ERMAP: variants seen among roughly 807,000 people sequenced by gnomAD.
ERMAP encodes the protein erythroid membrane-associated protein.
A neutral mutation model predicts 49.5 loss-of-function variants in ERMAP; 34 were observed. That is an observed-to-expected ratio of 0.69 (90% CI 0.52 to 0.91). ERMAP has a LOEUF of 0.91. Ranked by LOEUF, ERMAP falls within the 40% of genes least tolerant of loss-of-function variation. ERMAP has a pLI of 0.00. For synonymous variants in ERMAP, 214 were observed against 232.2 expected (o/e 0.92, Z 0.71); for missense variants, 541 against 582.6 (o/e 0.93, Z 0.74).
At chr1:42,839,705 C>A (rs1033625322) in intron 8 of ERMAP, 5 of 444,010 alleles carry the variant, frequency 1.1e-5, no homozygotes, top group African/African-American at 9.7e-5. Context: ...GTCCAATACT[C>A]AGTGATAGTT....
intron 6 of ERMAP, 107 bp downstream of exon 6, chr1:42,835,871 G>T: frequency 6.7e-7 from 1 of 1,484,136 alleles, no homozygotes; most frequent in Non-Finnish European, 8.9e-7. Flanking sequence ...TCCATTATCT[G>T]CTATCCTTGG....
chr1:42,840,894 C>G (rs1214562605), intron 11 of ERMAP, among the ~76,000 whole-genome samples: 1 of 152,072 alleles, frequency 6.6e-6, no homozygotes, highest in Non-Finnish European at 1.5e-5. Context: ...CTCTGCAGAC[C>G]AATTTGCTTA....
chr1:42,836,587 G>A (rs1357946292), intron 6 of ERMAP, among the ~76,000 whole-genome samples: 4 of 152,186 alleles, frequency 2.6e-5, no homozygotes, highest in African/African-American at 9.7e-5. Context: ...CGGGCATGGT[G>A]GCTCACGCCT....
chr1:42,837,275 G>A (rs929887886), intron 7 of ERMAP, 85 bp downstream of exon 7: 8 of 1,425,516 alleles, frequency 5.6e-6, no homozygotes, highest in Middle Eastern at 2.3e-4. Context: ...ATTATTATAA[G>A]TCTATTTTTA....
intron 1 of ERMAP, chr1:42,824,541 C>G (rs2124289194): frequency 6.6e-6 from 1 of 152,272 alleles, no homozygotes; most frequent in Admixed American, 6.5e-5. Context: ...AATTTGTACA[C>G]CCCCAGAACA....
intron 4 of ERMAP, 126 bp downstream of exon 4, chr1:42,831,241 G>A: frequency 8.3e-7 from 1 of 1,206,580 alleles, no homozygotes; most frequent in Non-Finnish European, 1.1e-6. Context: ...TTGCCAGGAT[G>A]GCTCAGCCTT....
intron 1 of ERMAP, chr1:42,824,374 A>G (rs558942660): frequency 6.6e-6 from 1 of 152,132 alleles, no homozygotes; most frequent in East Asian, 1.9e-4. Context: ...TGTTCAGGAC[A>G]GTATTATTTA....
rs571658816 is a variant in ERMAP at position 42,843,845 on chromosome 1, C to T, written c.*613C>T. 6 of 389,664 alleles carry T rather than the reference C, an allele frequency of 1.5e-5. No homozygotes were observed. Among genetic ancestry groups the T allele is most frequent in the African/African-American group, 1.0e-4 (5 of 48,566 alleles). 24.1% of individuals were successfully genotyped at this position (389,664 alleles called of 1,614,324 possible). On this transcript the variant is annotated 3_prime_UTR_variant, in exon 12 of 12. Coordinates refer to ENST00000372517, the MANE Select transcript of ERMAP (RefSeq NM_001017922.2). ...TTTGGTGATATCCAGAGCTAATGTA[C>T]ATGCTTTCAAAAGCTAATCTGCCTG... is the stretch of plus-strand genomic sequence containing the variant.
intron 7 of ERMAP, among the ~76,000 whole-genome samples, chr1:42,838,567 T>C (rs1196961915): frequency 6.6e-6 from 1 of 152,146 alleles, no homozygotes; most frequent in African/African-American, 2.4e-5. Flanking sequence ...CCATAAACGG[T>C]GGGCTATAAA....
chr1:42,834,893 G>C, intron 4 of ERMAP, 145 bp from the exon 5 acceptor site: 1 of 659,214 alleles, frequency 1.5e-6, no homozygotes, highest in South Asian at 1.8e-5. Context: ...TGAGTTATCA[G>C]AGAAGCAAAG....
rs752451851 is a variant in ERMAP, at chr1:42,830,831, G to T, written c.149G>T (p.Cys50Phe). 1.3e-6 allele frequency: 2 copies of T among 1,597,392 alleles called. No individual in the cohort carries two copies. The highest frequency in any genetic ancestry group is 1.7e-6 in the Non-Finnish European group (2 of 1,172,204). The change falls in exon 4 of 12, where the codon TGC becomes TTC. Residue 50 changes from cysteine to phenylalanine, a missense_variant. By Grantham distance (205) the Cys-to-Phe change is radical. Transcript: ENST00000372517. The stretch of plus-strand genomic sequence containing the variant: ...CTAGGGGGCACAGCCGAGCTGCTCT[G>T]CCCTCTCTCCCTCTGGCCCGGGACG... ...ALLGGTAELLCPLSLWPGTVP... is the reference protein window; with the variant it reads ...ALLGGTAELLFPLSLWPGTVP...
Position 42,844,469 on chromosome 1 carries a change from T to C in ERMAP, c.*1237T>C, listed in dbSNP as rs1450168690. Reference sequence around the variant, plus strand: ...TCCAGAGAAACAGAATCAATATATATTGGGGCAGGGGGGCGGTGGTTATTA... The same window carrying C: ...TCCAGAGAAACAGAATCAATATATACTGGGGCAGGGGGGCGGTGGTTATTA... On this transcript the variant is annotated 3_prime_UTR_variant, in exon 12 of 12. Transcript: ENST00000372517. The surrounding 1 kb of genome is among the most constrained non-coding windows in gnomAD (Gnocchi z 4.0). 3 of 188,312 alleles carry C rather than the reference T, an allele frequency of 1.6e-5. No individual in the cohort carries two copies. Among genetic ancestry groups the C allele is most frequent in the African/African-American group, 2.3e-5 (1 of 42,870 alleles). The allele number at this position is 188,312 out of a possible 1,614,324, so 11.7% of individuals were successfully genotyped here. A position where few individuals can be genotyped will look rare whatever the true frequency, so the allele number is the denominator to read the frequency against.
chr1:42,820,567 G>T (rs551658361), intron 1 of ERMAP, among the ~76,000 whole-genome samples: 1 of 151,648 alleles, frequency 6.6e-6, no homozygotes, highest in African/African-American at 2.4e-5. Context: ...CCATTTCCTG[G>T]TTTTGTTTAT....
At position 42,824,265 on chromosome 1, in the gene ERMAP, A is replaced by G. The variant is rs1471908215; in HGVS notation, c.-121-1358A>G. Among the ~76,000 whole-genome samples the G allele has an allele frequency of 3.9e-5, 6 of 151,900 alleles. No individual in the cohort carries two copies. In the East Asian group the frequency reaches 5.8e-4, roughly 15 times the overall value. On this transcript the variant is annotated intron_variant, in intron 1 of 11. Coordinates refer to ENST00000372517, the MANE Select transcript of ERMAP (RefSeq NM_001017922.2). ...CCGGAGGCTGAGGCAGGAGAATGGC[A>G]TGAGCCCAGGAGGCGGAGCTTGCAG...
chr1:42,840,240 CT>C, intron 10 of ERMAP, 29 bp from the exon 11 acceptor site: 1 of 1,614,188 alleles, frequency 6.2e-7, no homozygotes, highest in Non-Finnish European at 8.5e-7. Context: ...GTCTCTGGTA[CT>C]TTAATGATCC....
chr1:42,840,604 T>A (rs1244326982), intron 11 of ERMAP, among the ~76,000 whole-genome samples: 1 of 152,240 alleles, frequency 6.6e-6, no homozygotes, highest in South Asian at 2.1e-4. Context: ...GTGTGACTTG[T>A]CTGTTCCTGT....
At chr1:42,836,335 C>G (rs922578218) in intron 6 of ERMAP, among the ~76,000 whole-genome samples, 7 of 152,160 alleles carry the variant, frequency 4.6e-5, no homozygotes, top group African/African-American at 1.4e-4. Context: ...GAATGGAAAA[C>G]CAGCCACCGC....
In ERMAP at chr1:42,839,542, G is replaced by A. The variant is rs372314643; in HGVS notation, c.638-491G>A. ...GGAGAATCGCTTGAACCTGGGAGGCGGAGGTTGCAGTGAGCCGAGATTGCA... is the reference window on the plus strand; with the variant it reads ...GGAGAATCGCTTGAACCTGGGAGGCAGAGGTTGCAGTGAGCCGAGATTGCA... On this transcript the variant is annotated intron_variant, in intron 8 of 11. Transcript: ENST00000372517. The A allele has an allele frequency of 3.7e-4, 63 of 170,488 alleles. No homozygotes were observed. The South Asian group carries it at 6.9e-3, about 19-fold the overall frequency. 10.6% of individuals were successfully genotyped at this position (170,488 alleles called of 1,614,324 possible).
At chr1:42,831,571 T>TCTTTTTC (rs796614554) in intron 4 of ERMAP, among the ~76,000 whole-genome samples, 2 of 79,912 alleles carry the variant, frequency 2.5e-5, no homozygotes, top group African/African-American at 1.0e-4. Context: ...TTTTTTTTTT[T>TCTTTTTC]TCTCTTTTTT....
Sources: allele counts gnomAD v4.1 joint callset (sites outside exome capture counted in the v4.1 genomes callset), GRCh38; gene constraint gnomAD v4.1.1; non-coding constraint Gnocchi (gnomAD v3.1); transcripts MANE v1.5; gene names NCBI Gene and HGNC (gene_info 2026-07-23, HGNC 2026-07-21).